WNK2: variants seen among roughly 807,000 people sequenced by gnomAD.
WNK2 encodes WNK lysine deficient protein kinase 2.
In WNK2, 67 loss-of-function variants were observed where a neutral mutation model predicts 192.1. The observed-to-expected ratio is 0.35, with a 90% CI of 0.29 to 0.43. WNK2 has a LOEUF of 0.43. WNK2 is among the 20% of genes least tolerant of loss of function. The probability of loss-of-function intolerance (pLI) is 1.00; values close to 1 mark genes in which losing one functional copy is unlikely to be tolerated. For synonymous variants in WNK2, 1,439 were observed against 1,393.9 expected, an observed-to-expected ratio of 1.03 and a Z score of -0.72; for missense variants, 2,698 against 3,089.7, an observed-to-expected ratio of 0.87 and a Z score of 3.01.
chr9:93,246,987 T>C lies in WNK2; in HGVS notation c.1543-556T>C, dbSNP rs185990645. Reference sequence around the variant, plus strand: ...ATGTTTCCTGGAGACCTTCGGGCTCTCTTACAAATGCTCTCAAGGCTGTGC... The same window carrying C: ...ATGTTTCCTGGAGACCTTCGGGCTCCCTTACAAATGCTCTCAAGGCTGTGC... On this transcript the variant is annotated intron_variant, in intron 7 of 29. Coordinates refer to ENST00000427277, the MANE Select transcript of WNK2 (RefSeq NM_006648.4). 1.4e-3 allele frequency among the ~76,000 whole-genome samples: 212 copies of C among 152,356 alleles called. 1 individual carries two copies. The highest frequency in any genetic ancestry group is 4.6e-3 in the African/African-American group (192 of 41,578).
At chr9:93,268,497 T>A (rs1468025638) in intron 18 of WNK2, 130 bp from the exon 19 acceptor site, 2 of 1,406,354 alleles carry the variant, frequency 1.4e-6, no homozygotes, top group East Asian at 5.0e-5. Flanking sequence ...ACACCCTTCC[T>A]GGAGAAAATC....
chr9:93,184,153 G>T lies in WNK2; in HGVS notation c.-235G>T, dbSNP rs959443661. On this transcript the variant is annotated 5_prime_UTR_variant, in exon 1 of 30. Transcript: ENST00000427277. ...GGAGCCCCGCCCTCCCCGCGCGCCG[G>T]GTCGGAGCCGGTGCGGGAGCGGAGC... Among the ~76,000 whole-genome samples the T allele has an allele frequency of 4.0e-5, 6 of 148,774 alleles. No homozygotes were observed. In the South Asian group the frequency reaches 1.3e-3, roughly 31 times the overall value.
At chr9:93,312,980 C>G (rs971722071) in intron 28 of WNK2, among the ~76,000 whole-genome samples, 3 of 152,156 alleles carry the variant, frequency 2.0e-5, no homozygotes, top group African/African-American at 7.2e-5. Context: ...TCAGATCTGC[C>G]GGTGAACCCC....
rs1564091144 is a variant in WNK2 at position 93,252,987 on chromosome 9, C to T, written c.1939C>T (p.Pro647Ser). ...LGSLADAAPS[P>S]AQCVCSPPVS... Reference sequence around the variant, plus strand: ...CTCCCTTGCCGACGCAGCGCCGTCCCCGGCCCAGTGTGTGTGCAGCCCCCC... The same window carrying T: ...CTCCCTTGCCGACGCAGCGCCGTCCTCGGCCCAGTGTGTGTGCAGCCCCCC... The change falls in exon 9 of 30, where the codon CCG becomes TCG. Residue 647 changes from proline (P) to serine (S), a missense_variant. Physicochemically the swap from Pro to Ser is moderately conservative, Grantham distance 74. Coordinates refer to ENST00000427277, the MANE Select transcript of WNK2 (RefSeq NM_006648.4). 1 of 1,566,920 alleles carries T rather than the reference C, an allele frequency of 6.4e-7. No individual in the cohort carries two copies. The highest frequency in any genetic ancestry group is 8.6e-7 in the Non-Finnish European group (1 of 1,157,366).
At chr9:93,199,086 T>TGGAG (rs1389643421) in intron 2 of WNK2, among the ~76,000 whole-genome samples, 1 of 152,220 alleles carries the variant, frequency 6.6e-6, no homozygotes, top group Non-Finnish European at 1.5e-5. Context: ...CCCCTGTGAC[T>TGGAG]GGAGGTCCTT....
chr9:93,276,747 G>A (rs6479469), intron 19 of WNK2, among the ~76,000 whole-genome samples: 13 of 152,164 alleles, frequency 8.5e-5, no homozygotes, highest in African/African-American at 3.1e-4. Flanking sequence ...CATAAAAAAT[G>A]AGCAACTTGG....
intron 2 of WNK2, among the ~76,000 whole-genome samples, chr9:93,221,741 T>C (rs1470106913): frequency 6.6e-6 from 1 of 152,164 alleles, no homozygotes; most frequent in Non-Finnish European, 1.5e-5. Flanking sequence ...AGGAATGATG[T>C]GATGGCAGGG....
chr9:93,298,994 C>T (rs1456969524), intron 24 of WNK2, 76 bp from the exon 25 acceptor site: 6 of 1,454,186 alleles, frequency 4.1e-6, no homozygotes, highest in Non-Finnish European at 4.6e-6. Flanking sequence ...AATAAGCAGG[C>T]AGAACAGACT....
chr9:93,277,440 A>G (rs971594633), intron 19 of WNK2, among the ~76,000 whole-genome samples: 2 of 152,214 alleles, frequency 1.3e-5, no homozygotes, highest in African/African-American at 4.8e-5. Flanking sequence ...TAATTACCCA[A>G]TTGCCAAAAC....
intron 19 of WNK2, among the ~76,000 whole-genome samples, chr9:93,272,823 A>T (rs986351387): frequency 6.6e-6 from 1 of 152,030 alleles, no homozygotes. Flanking sequence ...ACAGAGAGAA[A>T]AAAACGAAAG....
rs1483317996 is a variant in WNK2 at position 93,185,535 on chromosome 9, C to G, written c.606C>G (p.Gly202=). Reference sequence around the variant, plus strand: ...TCCTCAAGTTCGACATCGAGCTGGGCCGCGGTTCCTTCAAGACGGTCTACA... The same window carrying G: ...TCCTCAAGTTCGACATCGAGCTGGGGCGCGGTTCCTTCAAGACGGTCTACA... ...GRFLKFDIEL[G]RGSFKTVYKG... is the part of the protein sequence containing the mutation. The change falls in exon 2 of 30, where the codon GGC becomes GGG. Residue 202 remains glycine (G), a synonymous_variant. Transcript: ENST00000427277. 1.2e-6 allele frequency: 2 copies of G among 1,612,910 alleles called. No individual in the cohort carries two copies. The highest frequency in any genetic ancestry group is 1.7e-6 in the Non-Finnish European group (2 of 1,179,712).
intron 23 of WNK2, among the ~76,000 whole-genome samples, chr9:93,295,232 G>A (rs1456044395): frequency 6.6e-6 from 1 of 152,084 alleles, no homozygotes; most frequent in Non-Finnish European, 1.5e-5. Flanking sequence ...GTGCGGCCTC[G>A]GAGCAGAGTT....
At chr9:93,253,708 C>A (rs923829670) in intron 9 of WNK2, among the ~76,000 whole-genome samples, 1 of 152,134 alleles carries the variant, frequency 6.6e-6, no homozygotes, top group Admixed American at 6.5e-5. Flanking sequence ...AGTGATGGAA[C>A]CTCGGGCTGT....
chr9:93,185,311 C>T lies in WNK2; in HGVS notation c.382C>T (p.Pro128Ser). Residue 128 changes from proline to serine, a missense_variant, in exon 2 of 30, where the codon CCC (proline) becomes TCC (serine). Pro to Ser is a moderately conservative substitution (Grantham distance 74). Coordinates refer to ENST00000427277, the MANE Select transcript of WNK2 (RefSeq NM_006648.4). ...PVGTQEPGPD[P>S]IAAAVETAPA... ...GGGCACGCAGGAGCCCGGCCCGGAC[C>T]CCATCGCAGCCGCTGTCGAAACCGC... 1 of 1,512,962 alleles carries T rather than the reference C, an allele frequency of 6.6e-7. No individual in the cohort carries two copies. Among genetic ancestry groups the T allele is most frequent in the Non-Finnish European group, 8.8e-7 (1 of 1,134,986 alleles). The allele number at this position is 1,512,962 out of a possible 1,614,324, so 93.7% of individuals were successfully genotyped here. A position where few individuals can be genotyped will look rare whatever the true frequency, so the allele number is the denominator to read the frequency against.
In WNK2 at chr9:93,185,086, G is replaced by C; in HGVS notation, c.157G>C (p.Glu53Gln). The change falls in exon 2 of 30, where the codon GAG becomes CAG. Residue 53 changes from glutamate (E) to glutamine (Q), a missense_variant. Glu to Gln is a conservative substitution (Grantham distance 29). Transcript: ENST00000427277. The part of the protein sequence containing the change: ...RRSVVESDQE[E>Q]PPGLEAAEAP... ...CAGCGTGGTAGAGTCGGACCAGGAG[G>C]AGCCGCCGGGCTTGGAGGCAGCCGA... The C allele has an allele frequency of 7.6e-7, 1 of 1,314,276 alleles. No individual in the cohort carries two copies. Among genetic ancestry groups the C allele is most frequent in the South Asian group, 1.9e-5 (1 of 51,618 alleles). 81.4% of individuals were successfully genotyped at this position (1,314,276 alleles called of 1,614,324 possible). A position where few individuals can be genotyped will look rare whatever the true frequency, so the allele number is the denominator to read the frequency against.
At chr9:93,313,441 C>T (rs1167831294) in intron 28 of WNK2, among the ~76,000 whole-genome samples, 2 of 147,128 alleles carry the variant, frequency 1.4e-5, no homozygotes, top group Non-Finnish European at 3.0e-5. Flanking sequence ...AATTCTCTAT[C>T]TTGTATCTCC....
At chr9:93,223,010 G>GA (rs2131842163) in intron 2 of WNK2, among the ~76,000 whole-genome samples, 2 of 152,290 alleles carry the variant, frequency 1.3e-5, no homozygotes, top group South Asian at 4.1e-4. Flanking sequence ...TCATGAATTA[G>GA]AAAAAACACA....
In WNK2 at chr9:93,206,815, G is replaced by A. The variant is rs1369379215; in HGVS notation, c.681+21205G>A. Among the ~76,000 whole-genome samples, 4 of 152,192 alleles carry A rather than the reference G, an allele frequency of 2.6e-5. No homozygotes were observed. The East Asian group carries it at 7.7e-4, about 29-fold the overall frequency. On this transcript the variant is annotated intron_variant, in intron 2 of 29. Transcript: ENST00000427277. ...GCTTCCCCGAGGCAGCTCTTGCCTCGTGTTTGTAGGTTTTTCTGGGGATAC... is the reference window on the plus strand; with the variant it reads ...GCTTCCCCGAGGCAGCTCTTGCCTCATGTTTGTAGGTTTTTCTGGGGATAC...
At position 93,258,981 on chromosome 9, in the gene WNK2, C is replaced by T. The variant is rs538840249; in HGVS notation, c.2433C>T (p.Asp811=). 26 of 1,612,808 alleles carry T rather than the reference C, an allele frequency of 1.6e-5. No individual in the cohort carries two copies. The highest frequency in any genetic ancestry group is 1.1e-4 in the East Asian group (5 of 44,838). The change falls in exon 12 of 30, where the codon GAC becomes GAT. Residue 811 remains aspartate (D), a synonymous_variant. Transcript: ENST00000427277. ...VPPITPLAGI[D]GLPPALPDLP... ...CCATCACGCCCCTGGCGGGAATCGA[C>T]GGCCTCCCTCCGGCCCTCCCAGACC...
Sources: allele counts gnomAD v4.1 joint callset (sites outside exome capture counted in the v4.1 genomes callset), GRCh38; gene constraint gnomAD v4.1.1; transcripts MANE v1.5; gene names NCBI Gene and HGNC (gene_info 2026-07-23, HGNC 2026-07-21).